The following COL24A1 variants were observed in gnomAD, a reference collection of about 807,000 sequenced individuals.
COL24A1 encodes the protein collagen type XXIV alpha 1 chain.
In COL24A1, 224 loss-of-function variants were observed where a neutral mutation model predicts 253.9. The observed-to-expected ratio is 0.88, with a 90% CI of 0.79 to 0.99. The LOEUF is 0.99. Ranked by LOEUF, COL24A1 falls within the 50% of genes least tolerant of loss-of-function variation. The probability of loss-of-function intolerance (pLI) is 0.00; values close to 1 mark genes in which losing one functional copy is unlikely to be tolerated. For synonymous variants in COL24A1, 685 were observed against 673.7 expected, an observed-to-expected ratio of 1.02 and a Z score of -0.26; for missense variants, 2,131 against 2,068.5, an observed-to-expected ratio of 1.03 and a Z score of -0.59.
intron 1 of COL24A1, among the ~76,000 whole-genome samples, chr1:86,150,816 C>T (rs1652656962): frequency 6.6e-6 from 1 of 152,018 alleles, no homozygotes; most frequent in Non-Finnish European, 1.5e-5. Context: ...ATCAAGTTTC[C>T]ACATTAGCAG....
chr1:85,783,242 T>A (rs150322219), intron 51 of COL24A1, among the ~76,000 whole-genome samples: 1 of 151,880 alleles, frequency 6.6e-6, no homozygotes, highest in Non-Finnish European at 1.5e-5. Context: ...CATTATCCAG[T>A]CTTCACAGTA....
intron 20 of COL24A1, among the ~76,000 whole-genome samples, chr1:85,981,797 T>C (rs1203124593): frequency 1.3e-5 from 2 of 152,092 alleles, no homozygotes; most frequent in Non-Finnish European, 2.9e-5. Context: ...TATAACTCAA[T>C]AGCAAACACC....
chr1:85,815,226 C>T (rs1033306441), intron 47 of COL24A1, among the ~76,000 whole-genome samples: 6 of 152,128 alleles, frequency 3.9e-5, no homozygotes, highest in African/African-American at 1.4e-4. Flanking sequence ...GACTCTCAAA[C>T]CAATTCAAAG....
At chr1:85,787,723 T>C (rs1187955522) in intron 47 of COL24A1, among the ~76,000 whole-genome samples, 2 of 152,224 alleles carry the variant, frequency 1.3e-5, no homozygotes, top group African/African-American at 2.4e-5. Flanking sequence ...TTTGGGTATA[T>C]ACCCAGTAAT....
At chr1:85,779,784 G>A (rs1477221989) in intron 52 of COL24A1, among the ~76,000 whole-genome samples, 3 of 151,918 alleles carry the variant, frequency 2.0e-5, no homozygotes, top group African/African-American at 7.3e-5. Context: ...AAATTTCCAA[G>A]CCTGTCACCC....
intron 24 of COL24A1, among the ~76,000 whole-genome samples, chr1:85,937,632 G>A (rs1688351313): frequency 6.8e-6 from 1 of 147,362 alleles, no homozygotes; most frequent in African/African-American, 2.5e-5. Context: ...AGAGATGGAA[G>A]GTATGCATGA....
intron 39 of COL24A1, among the ~76,000 whole-genome samples, chr1:85,846,132 A>G (rs1299253457): frequency 6.6e-6 from 1 of 151,892 alleles, no homozygotes; most frequent in East Asian, 1.9e-4. Context: ...GAAAAGCAGA[A>G]AACAGACTGA....
chr1:85,871,854 C>T (rs1052567939), intron 35 of COL24A1, among the ~76,000 whole-genome samples: 1 of 152,104 alleles, frequency 6.6e-6, no homozygotes, highest in Non-Finnish European at 1.5e-5. Flanking sequence ...CCAGGGCAAT[C>T]AGGCAGGAGA....
At chr1:86,055,135 T>C (rs1700576681) in intron 10 of COL24A1, among the ~76,000 whole-genome samples, 1 of 152,120 alleles carries the variant, frequency 6.6e-6, no homozygotes, top group Non-Finnish European at 1.5e-5. Context: ...ACACTATAGA[T>C]TCCCTAAGGA....
At chr1:85,861,718 T>C (rs149899915) in intron 37 of COL24A1, among the ~76,000 whole-genome samples, 18 of 152,314 alleles carry the variant, frequency 1.2e-4, no homozygotes, top group Admixed American at 7.2e-4. Context: ...GTTCTTTTCC[T>C]GTAATTCGTT....
chr1:85,889,282 AAG>A (rs765379150), intron 32 of COL24A1, among the ~76,000 whole-genome samples: 12 of 152,134 alleles, frequency 7.9e-5, no homozygotes, highest in Non-Finnish European at 1.6e-4. Flanking sequence ...GCCATTCAGA[AAG>A]AGAATTTCTG....
At chr1:86,112,463 T>C in intron 5 of COL24A1, 104 bp downstream of exon 5, 1 of 950,734 alleles carries the variant, frequency 1.1e-6, no homozygotes, top group Non-Finnish European at 1.6e-6. Flanking sequence ...ACAGAGATCC[T>C]TGATGTATCA....
chr1:86,066,685 T>A (rs1450566146), intron 7 of COL24A1, among the ~76,000 whole-genome samples: 1 of 152,196 alleles, frequency 6.6e-6, no homozygotes, highest in African/African-American at 2.4e-5. Context: ...AAACTAGCCA[T>A]ATTGTGAACC....
Position 86,125,579 on chromosome 1 carries a change from T to A in COL24A1, c.757A>T (p.Ser253Cys). Residue 253 changes from serine to cysteine, a missense_variant, in exon 3 of 60, where the codon AGC becomes TGC. Physicochemically the swap from Ser to Cys is moderately radical, Grantham distance 112 (BLOSUM62 -1). Transcript: ENST00000370571. ...GGTATGAGAGTTGTACAAGGAATGC[T>A]TGTTTCAGGTTGGTATTTGTCTGCT... The part of the protein sequence containing the change: ...RQADKYQPET[S>C]IPCTTLIPTK... 1 of 1,613,536 alleles carries A rather than the reference T, an allele frequency of 6.2e-7. No homozygotes were observed. Among genetic ancestry groups the A allele is most frequent in the South Asian group, 1.1e-5 (1 of 91,058 alleles).
At chr1:85,825,150 A>C (rs1477413141) in intron 43 of COL24A1, among the ~76,000 whole-genome samples, 5 of 137,922 alleles carry the variant, frequency 3.6e-5, no homozygotes, top group Admixed American at 8.5e-5. Context: ...TTCAGTTCCC[A>C]CCTATGAGTG....
chr1:85,943,889 T>C (rs2103212213), intron 24 of COL24A1, among the ~76,000 whole-genome samples: 2 of 152,360 alleles, frequency 1.3e-5, no homozygotes, highest in African/African-American at 4.8e-5. Flanking sequence ...GTATAAATTA[T>C]GAAAAGACTT....
intron 6 of COL24A1, 86 bp downstream of exon 6, chr1:86,092,181 G>C: frequency 9.4e-7 from 1 of 1,058,688 alleles, no homozygotes. Flanking sequence ...GTCTGATACA[G>C]TAAAATCTAC....
chr1:86,011,937 A>G (rs760051689), intron 19 of COL24A1, among the ~76,000 whole-genome samples: 8 of 152,044 alleles, frequency 5.3e-5, no homozygotes, highest in Non-Finnish European at 7.4e-5. Context: ...GCAACCCCCA[A>G]TGATTCTGAT....
At position 85,993,443 on chromosome 1, in the gene COL24A1, C is replaced by A. The variant is rs200466655; in HGVS notation, c.2311-5789G>T. On this transcript the variant is annotated intron_variant, in intron 19 of 59. Transcript: ENST00000370571. ...CTTATGCTAAGTGAAAGAAGCCAGA[C>A]AAAAAAAAAAGAGTACATACTATGT... is the stretch of plus-strand genomic sequence containing the variant. Among the ~76,000 whole-genome samples, 55 of 145,412 alleles carry A rather than the reference C, an allele frequency of 3.8e-4. 1 individual carries two copies. The highest frequency in any genetic ancestry group is 1.1e-3 in the South Asian group (5 of 4,664).
Sources: allele counts gnomAD v4.1 joint callset (sites outside exome capture counted in the v4.1 genomes callset), GRCh38; gene constraint gnomAD v4.1.1; transcripts MANE v1.5; gene names NCBI Gene and HGNC (gene_info 2026-07-23, HGNC 2026-07-21).